CCDC85A: variants seen among roughly 807,000 people sequenced by gnomAD.
CCDC85A encodes the protein coiled-coil domain-containing protein 85A.
Under a neutral mutation model 50.2 loss-of-function variants are expected in CCDC85A, and 38 were observed. That is an observed-to-expected ratio of 0.76 (90% CI 0.58 to 0.99). CCDC85A has a LOEUF of 0.99. CCDC85A is among the 50% of genes least tolerant of loss of function. The probability of loss-of-function intolerance (pLI) is 0.00; values close to 1 mark genes in which losing one functional copy is unlikely to be tolerated. For missense variants in CCDC85A, 820 were observed against 742.0 expected (o/e 1.11, Z -1.22); for synonymous variants, 366 against 301.4 (o/e 1.21, Z -2.22).
chr2:56,326,254 A>G (rs889616889), intron 2 of CCDC85A, among the ~76,000 whole-genome samples: 2 of 152,132 alleles, frequency 1.3e-5, no homozygotes, highest in Non-Finnish European at 2.9e-5. Context: ...TTTATCTGTA[A>G]GATAGGGATA....
intron 2 of CCDC85A, among the ~76,000 whole-genome samples, chr2:56,204,760 C>T (rs1441228393): frequency 1.3e-5 from 2 of 152,168 alleles, no homozygotes; most frequent in African/African-American, 4.8e-5. Context: ...ATGGCATGAC[C>T]TATAAAGAAC....
At chr2:56,367,726 CA>C (rs1335650639) in intron 3 of CCDC85A, among the ~76,000 whole-genome samples, 8 of 152,136 alleles carry the variant, frequency 5.3e-5, no homozygotes, top group African/African-American at 1.9e-4. Context: ...TGAGAACTGA[CA>C]CTCTCAATAA....
In CCDC85A at chr2:56,291,484, G is replaced by A. The variant is rs184489707; in HGVS notation, c.1241-51395G>A. ...AAATAGCAGTGTGGGGGCTACTATG[G>A]CTAAGGCGATTGGAAAAGGCCTCCC... On this transcript the variant is annotated intron_variant, in intron 2 of 5. Transcript: ENST00000407595. Among the ~76,000 whole-genome samples the A allele has an allele frequency of 2.9e-4, 44 of 152,306 alleles. 1 individual carries two copies. Among genetic ancestry groups the A allele is most frequent in the Admixed American group, 2.1e-3 (32 of 15,298 alleles).
chr2:56,276,606 A>G (rs1553403759), intron 2 of CCDC85A, among the ~76,000 whole-genome samples: 1 of 151,924 alleles, frequency 6.6e-6, no homozygotes, highest in Non-Finnish European at 1.5e-5. Flanking sequence ...TGTGCCTTTC[A>G]CCTTCCACCA....
chr2:56,270,545 G>T (rs970607680), intron 2 of CCDC85A, among the ~76,000 whole-genome samples: 4 of 152,180 alleles, frequency 2.6e-5, no homozygotes, highest in African/African-American at 9.7e-5. Context: ...GCGTACCCCT[G>T]AGCGTAGCTG....
intron 5 of CCDC85A, among the ~76,000 whole-genome samples, chr2:56,376,643 A>G (rs1676349934): frequency 6.6e-6 from 1 of 152,194 alleles, no homozygotes; most frequent in Admixed American, 6.5e-5. Flanking sequence ...TAATAAATAA[A>G]CAATATAAAT....
chr2:56,236,222 G>T (rs977422270), intron 2 of CCDC85A, among the ~76,000 whole-genome samples: 4 of 152,222 alleles, frequency 2.6e-5, no homozygotes, highest in African/African-American at 9.6e-5. Flanking sequence ...CTGGTACCTA[G>T]TGAGCACTCT....
chr2:56,317,176 G>C (rs1331639018), intron 2 of CCDC85A, among the ~76,000 whole-genome samples: 1 of 152,018 alleles, frequency 6.6e-6, no homozygotes, highest in Non-Finnish European at 1.5e-5. Flanking sequence ...AGACTTGAAG[G>C]CACCAATTAT....
In CCDC85A at chr2:56,292,170, C is replaced by T. The variant is rs1229026675; in HGVS notation, c.1241-50709C>T. Among the ~76,000 whole-genome samples, 3 of 152,288 alleles carry T rather than the reference C, an allele frequency of 2.0e-5. 1 individual carries two copies. In the South Asian group the frequency reaches 6.2e-4, roughly 32 times the overall value. ...CCATCTCAGCTCACTGTAAGCTCCA[C>T]CTCCTGGGTTCATGCCATTCTCCAG... On this transcript the variant is annotated intron_variant, in intron 2 of 5. Coordinates refer to ENST00000407595, the MANE Select transcript of CCDC85A (RefSeq NM_001080433.2).
chr2:56,199,662 CTT>C (rs907230337), intron 2 of CCDC85A, among the ~76,000 whole-genome samples: 3 of 152,152 alleles, frequency 2.0e-5, no homozygotes, highest in Non-Finnish European at 4.4e-5. Context: ...GCAGGCCTGA[CTT>C]TAACTCATTT....
At chr2:56,345,921 A>G (rs958622517) in intron 3 of CCDC85A, among the ~76,000 whole-genome samples, 7 of 152,218 alleles carry the variant, frequency 4.6e-5, no homozygotes, top group African/African-American at 1.7e-4. Flanking sequence ...AGTTATAAGA[A>G]TTTGTTTGCT....
chr2:56,197,118 C>T (rs765862770), intron 2 of CCDC85A, among the ~76,000 whole-genome samples: 1 of 152,122 alleles, frequency 6.6e-6, no homozygotes, highest in South Asian at 2.1e-4. Flanking sequence ...TGAAAGCTTC[C>T]TATTGATTCT....
intron 2 of CCDC85A, among the ~76,000 whole-genome samples, chr2:56,281,741 G>A (rs889486692): frequency 6.6e-6 from 1 of 151,916 alleles, no homozygotes; most frequent in Non-Finnish European, 1.5e-5. Flanking sequence ...TGCCTTTTTT[G>A]ATTAGCTGTT....
chr2:56,307,309 G>A (rs540226270), intron 2 of CCDC85A, among the ~76,000 whole-genome samples: 2 of 152,066 alleles, frequency 1.3e-5, no homozygotes, highest in Non-Finnish European at 1.5e-5. Flanking sequence ...TAATTCTAGA[G>A]TGCAGAAATT....
At chr2:56,301,167 T>G (rs141397178) in intron 2 of CCDC85A, among the ~76,000 whole-genome samples, 11 of 152,356 alleles carry the variant, frequency 7.2e-5, no homozygotes, top group Admixed American at 4.6e-4. Flanking sequence ...TAAAATCTTT[T>G]CTTAATCACA....
intron 2 of CCDC85A, among the ~76,000 whole-genome samples, chr2:56,284,887 G>T (rs941812208): frequency 6.6e-6 from 1 of 151,942 alleles, no homozygotes; most frequent in Non-Finnish European, 1.5e-5. Flanking sequence ...TTGTCTTAAA[G>T]ACTATTTTTT....
rs190213501 is a variant in CCDC85A at position 56,263,535 on chromosome 2, C to T, written c.1240+70095C>T. ...CCAAGAATGGCCTCCTCAGTTTGCA[C>T]TCTAGCTGTATATTGGGCTGGTCTT... On this transcript the variant is annotated intron_variant, in intron 2 of 5. Transcript: ENST00000407595. 8.2e-3 allele frequency among the ~76,000 whole-genome samples: 1,244 copies of T among 152,232 alleles called. 6 individuals carry two copies. Among genetic ancestry groups the T allele is most frequent in the Admixed American group, 0.012 (177 of 15,270 alleles).
At chr2:56,239,637 T>C (rs1352975705) in intron 2 of CCDC85A, among the ~76,000 whole-genome samples, 1 of 152,144 alleles carries the variant, frequency 6.6e-6, no homozygotes, top group African/African-American at 2.4e-5. Context: ...GAGGGTGAGT[T>C]TTGCTTTGCT....
At chr2:56,258,482 C>G (rs531193540) in intron 2 of CCDC85A, among the ~76,000 whole-genome samples, 8 of 152,158 alleles carry the variant, frequency 5.3e-5, no homozygotes, top group African/African-American at 1.7e-4. Flanking sequence ...ATGGCCTGAG[C>G]TTGGCCTGAG....
Sources: allele counts gnomAD v4.1 joint callset (sites outside exome capture counted in the v4.1 genomes callset), GRCh38; gene constraint gnomAD v4.1.1; transcripts MANE v1.5; gene names NCBI Gene and HGNC (gene_info 2026-07-23, HGNC 2026-07-21).